The following HYDIN variants were observed in gnomAD, a reference collection of about 807,000 sequenced individuals.
HYDIN encodes HYDIN axonemal central pair apparatus protein.
HYDIN carries 132 observed loss-of-function variants against 403.9 expected under a neutral mutation model. That is an observed-to-expected ratio of 0.33 (90% CI 0.28 to 0.38). The LOEUF (loss-of-function observed/expected upper bound fraction) is 0.38. Among genes scored for constraint, HYDIN ranks in the 10% least tolerant of loss-of-function variants. HYDIN has a pLI of 1.00. For synonymous variants in HYDIN, 1,202 were observed against 1,891.7 expected, an observed-to-expected ratio of 0.64 and a Z score of 9.46; for missense variants, 2,827 against 5,009.5, an observed-to-expected ratio of 0.56 and a Z score of 13.15.
chr16:71,212,398 T>C (rs1030460636), intron 1 of HYDIN, among the ~76,000 whole-genome samples: 1 of 152,204 alleles, frequency 6.6e-6, no homozygotes, highest in Admixed American at 6.5e-5. Flanking sequence ...TAACAAGGAA[T>C]GACTCTAATT....
At position 70,892,519 on chromosome 16, in the gene HYDIN, C is replaced by G; in HGVS notation, c.9259G>C (p.Asp3087His). 6.2e-7 allele frequency: 1 copy of G among 1,602,202 alleles called. No homozygotes were observed. Residue 3087 changes from aspartate to histidine, a missense_variant, in exon 56 of 86, where the codon GAC becomes CAC. Transcript: ENST00000393567. ...KYEIAFSFSV[D>H]SVGISTPNIN... ...TTAGGTGTTGAAATCCCTACAGAGT[C>G]CACGGAAAAGCTGAAAGACAAGAAT...
At chr16:70,999,974 C>T (rs1317842620) in intron 23 of HYDIN, among the ~76,000 whole-genome samples, 3 of 152,044 alleles carry the variant, frequency 2.0e-5, no homozygotes, top group African/African-American at 7.2e-5. Context: ...CTTAGAAAGG[C>T]TGCCAAACAG....
At chr16:70,931,592 G>A (rs1029348566) in intron 45 of HYDIN, among the ~76,000 whole-genome samples, 4 of 151,632 alleles carry the variant, frequency 2.6e-5, no homozygotes, top group Non-Finnish European at 5.9e-5. Context: ...ATCCCTAGGT[G>A]ATTTGCGTGC....
rs533388473 is a variant in HYDIN at position 70,862,189 on chromosome 16, A to G, written c.11636T>C (p.Met3879Thr). ...TGGGGAACCCTCGGCCCAGTGGTCC[A>G]TGGTGCTGTCCAGGGTGCTGCCTGT... ...MHTGSTLDST[M>T]DHWAEGSPQP... The change falls in exon 69 of 86, where the codon ATG becomes ACG. Residue 3879 changes from methionine to threonine, a missense_variant. Transcript: ENST00000393567. 5.3e-5 allele frequency: 86 copies of G among 1,613,680 alleles called. 1 individual carries two copies. The Admixed American group carries it at 1.4e-3, about 27-fold the overall frequency.
In HYDIN at chr16:70,803,599, G is replaced by A. The variant is rs1379524695; in HGVS notation, c.*3981C>T. On this transcript the variant is annotated 3_prime_UTR_variant, in exon 86 of 86. Coordinates refer to ENST00000393567, the MANE Select transcript of HYDIN (RefSeq NM_001270974.2). ...TAATAGCTATTACAAGTATGTAAAA[G>A]TTATGACATAACTTGTAGCAAGAGG... Among the ~76,000 whole-genome samples, 1 of 152,238 alleles carries A rather than the reference G, an allele frequency of 6.6e-6. No individual in the cohort carries two copies. Among genetic ancestry groups the A allele is most frequent in the Non-Finnish European group, 1.5e-5 (1 of 68,030 alleles).
Position 70,840,111 on chromosome 16 carries a change from T to C in HYDIN, c.12996A>G (p.Pro4332=), listed in dbSNP as rs758802177. 1.2e-6 allele frequency: 1 copy of C among 857,828 alleles called. No individual in the cohort carries two copies. The highest frequency in any genetic ancestry group is 1.8e-6 in the Non-Finnish European group (1 of 559,364). 53.1% of individuals were successfully genotyped at this position (857,828 alleles called of 1,614,324 possible). ...TGGTAATTACCAGGGTTTGTTTGTA[T>C]GGGGGCATCCCAGCTTGATAGATAA... ...TCFIYQAGMP[P]YKQTLVITNK... is the part of the protein sequence containing the mutation. Residue 4332 remains proline (P), a synonymous_variant, in exon 76 of 86, where the codon CCA becomes CCG. Coordinates refer to ENST00000393567, the MANE Select transcript of HYDIN (RefSeq NM_001270974.2).
intron 13 of HYDIN, among the ~76,000 whole-genome samples, chr16:71,074,707 C>CAAAAAAAA (rs59315287): frequency 4.6e-5 from 4 of 86,238 alleles, no homozygotes; most frequent in Non-Finnish European, 9.1e-5. Context: ...CAAAAAACAC[C>CAAAAAAAA]AAAAAAAAAA....
Position 70,834,915 on chromosome 16 carries a change from T to C in HYDIN, c.13402-751A>G, listed in dbSNP as rs535259236. Among the ~76,000 whole-genome samples the C allele has an allele frequency of 3.2e-4, 48 of 149,428 alleles. 2 individuals carry two copies. In the South Asian group the frequency reaches 8.6e-3, roughly 27 times the overall value. On this transcript the variant is annotated intron_variant, in intron 78 of 85. Transcript: ENST00000393567. ...GTATATATATATACACACACACATA[T>C]ATACACACATATATGTATATATACA...
intron 19 of HYDIN, among the ~76,000 whole-genome samples, chr16:71,030,385 A>ATATATGTGTGTGTGTATATG (rs1184878606): frequency 6.6e-6 from 1 of 150,994 alleles, no homozygotes; most frequent in Non-Finnish European, 1.5e-5. Flanking sequence ...GTGTATACAT[A>ATATATGTGTGTGTGTATATG]TATATGTGTG....
At chr16:71,172,809 G>A (rs1229301333) in intron 5 of HYDIN, among the ~76,000 whole-genome samples, 1 of 152,172 alleles carries the variant, frequency 6.6e-6, no homozygotes, top group Non-Finnish European at 1.5e-5. Flanking sequence ...GTTCACATCA[G>A]CAGGGGATAA....
At chr16:71,012,036 A>G (rs770866562) in intron 23 of HYDIN, among the ~76,000 whole-genome samples, 124 of 151,126 alleles carry the variant, frequency 8.2e-4, no homozygotes, top group Non-Finnish European at 1.3e-3. Context: ...GTGCGGCCTC[A>G]GCTTCCCCGC....
chr16:71,169,805 T>C (rs1022785521), intron 5 of HYDIN, among the ~76,000 whole-genome samples: 9 of 152,182 alleles, frequency 5.9e-5, no homozygotes, highest in African/African-American at 9.7e-5. Flanking sequence ...ATTTTAAATG[T>C]TCTCACTACA....
intron 69 of HYDIN, 40 bp from the exon 70 acceptor site, chr16:70,860,941 A>G (rs1375088551): frequency 2.7e-6 from 2 of 751,336 alleles, no homozygotes; most frequent in East Asian, 2.7e-5. Context: ...TTATTTTGTC[A>G]TCAGTTGTTG....
chr16:70,946,714 C>A (rs2077874383), intron 41 of HYDIN, among the ~76,000 whole-genome samples: 1 of 152,028 alleles, frequency 6.6e-6, no homozygotes, highest in Admixed American at 6.6e-5. Context: ...GAGAAGATGG[C>A]TGTGGGAAAG....
At chr16:71,225,483 G>C (rs1296801604) in intron 1 of HYDIN, among the ~76,000 whole-genome samples, 2 of 152,142 alleles carry the variant, frequency 1.3e-5, no homozygotes, top group African/African-American at 2.4e-5. Flanking sequence ...TAAATGCTTT[G>C]GATTGACCAC....
chr16:71,114,622 G>GTACACATGCATA (rs2083949276), intron 10 of HYDIN, among the ~76,000 whole-genome samples: 1 of 148,606 alleles, frequency 6.7e-6, no homozygotes, highest in African/African-American at 2.5e-5. Flanking sequence ...ACACATGCAT[G>GTACACATGCATA]TACACATGCA....
At chr16:71,034,224 T>C (rs2081012592) in intron 18 of HYDIN, among the ~76,000 whole-genome samples, 1 of 152,198 alleles carries the variant, frequency 6.6e-6, no homozygotes, top group Admixed American at 6.5e-5. Flanking sequence ...TACCCTTTCA[T>C]TTAATTCTAT....
chr16:70,945,167 G>A (rs145237784), intron 41 of HYDIN, among the ~76,000 whole-genome samples: 1,887 of 152,246 alleles, frequency 0.012, no homozygotes, highest in South Asian at 0.037. Flanking sequence ...TGAGGATGGT[G>A]GTGGTGACTG....
chr16:70,980,943 T>C (rs2079028146), intron 29 of HYDIN, among the ~76,000 whole-genome samples: 1 of 152,100 alleles, frequency 6.6e-6, no homozygotes, highest in African/African-American at 2.4e-5. Context: ...GCCTTCACCC[T>C]GTGTAATGCC....
Sources: allele counts gnomAD v4.1 joint callset (sites outside exome capture counted in the v4.1 genomes callset), GRCh38; gene constraint gnomAD v4.1.1; transcripts MANE v1.5; gene names NCBI Gene and HGNC (gene_info 2026-07-23, HGNC 2026-07-21).